The following KCNIP4 variants were observed in gnomAD, a reference collection of about 807,000 sequenced individuals.
KCNIP4 encodes the protein potassium voltage-gated channel interacting protein 4, also known as Kv channel-interacting protein 4.
A neutral mutation model predicts 34.0 loss-of-function variants in KCNIP4; 12 were observed. That is an observed-to-expected ratio of 0.35 (90% CI 0.23 to 0.57). The LOEUF (loss-of-function observed/expected upper bound fraction) is 0.57. Among genes scored for constraint, KCNIP4 ranks in the 20% least tolerant of loss-of-function variants. The pLI is 0.83. For synonymous variants in KCNIP4, 124 were observed against 102.2 expected (o/e 1.21, Z -1.29); for missense variants, 238 against 311.7 (o/e 0.76, Z 1.78).
At chr4:21,090,825 G>A (rs545999081) in intron 1 of KCNIP4, among the ~76,000 whole-genome samples, 271 of 152,108 alleles carry the variant, frequency 1.8e-3, no homozygotes, top group African/African-American at 6.0e-3. Context: ...CTCTTCACAC[G>A]TTTGTGAAAA....
At chr4:20,951,606 T>C (rs1045939908) in intron 1 of KCNIP4, among the ~76,000 whole-genome samples, 1 of 152,202 alleles carries the variant, frequency 6.6e-6, no homozygotes, top group South Asian at 2.1e-4. Context: ...CTCATATATC[T>C]TTTTTGAATA....
intron 1 of KCNIP4, among the ~76,000 whole-genome samples, chr4:21,713,954 A>T (rs557127048): frequency 6.6e-6 from 1 of 152,208 alleles, no homozygotes; most frequent in Admixed American, 6.5e-5. Flanking sequence ...ATATGTATGC[A>T]TTTTCTGACA....
At chr4:21,639,891 C>T (rs191190846) in intron 1 of KCNIP4, among the ~76,000 whole-genome samples, 6 of 152,252 alleles carry the variant, frequency 3.9e-5, no homozygotes, top group Admixed American at 6.5e-5. Context: ...TCCATCAGCC[C>T]TACTCTGACT....
chr4:20,812,690 T>A (rs1174729922), intron 3 of KCNIP4, among the ~76,000 whole-genome samples: 1 of 151,988 alleles, frequency 6.6e-6, no homozygotes, highest in Admixed American at 6.6e-5. Flanking sequence ...TTAAGGAGAT[T>A]TCTTCTGAGG....
At chr4:21,537,518 CAA>C (rs1275265536) in intron 1 of KCNIP4, among the ~76,000 whole-genome samples, 7 of 152,010 alleles carry the variant, frequency 4.6e-5, no homozygotes, top group African/African-American at 9.7e-5. Flanking sequence ...AAAACAAAAA[CAA>C]AGAAAAAATA....
intron 1 of KCNIP4, among the ~76,000 whole-genome samples, chr4:21,158,974 A>G (rs539399912): frequency 1.3e-5 from 2 of 152,302 alleles, no homozygotes; most frequent in South Asian, 4.1e-4. Context: ...GAAATTAAAT[A>G]TTATTTATAA....
intron 1 of KCNIP4, among the ~76,000 whole-genome samples, chr4:21,540,956 A>G (rs1737633896): frequency 6.6e-6 from 1 of 152,036 alleles, no homozygotes. Context: ...GGATCACCTG[A>G]GGTCAGGGGT....
At chr4:20,999,431 G>GT (rs1560634221) in intron 1 of KCNIP4, among the ~76,000 whole-genome samples, 14 of 31,770 alleles carry the variant, frequency 4.4e-4, no homozygotes, top group Admixed American at 7.1e-4. Flanking sequence ...TTTTTTGTTT[G>GT]TTTTTTGTTT....
chr4:21,710,052 A>G (rs1415884683), intron 1 of KCNIP4, among the ~76,000 whole-genome samples: 1 of 152,228 alleles, frequency 6.6e-6, no homozygotes, highest in East Asian at 1.9e-4. Flanking sequence ...GCAATAGAAC[A>G]GCAACAAGAC....
At chr4:21,641,220 C>T (rs992760059) in intron 1 of KCNIP4, among the ~76,000 whole-genome samples, 147 of 152,350 alleles carry the variant, frequency 9.6e-4, no homozygotes, top group Non-Finnish European at 2.9e-4. Context: ...ATGGTCCCCA[C>T]TATGCTATAT....
intron 1 of KCNIP4, among the ~76,000 whole-genome samples, chr4:20,993,191 C>T (rs1737243502): frequency 6.6e-6 from 1 of 152,004 alleles, no homozygotes; most frequent in African/African-American, 2.4e-5. Context: ...GTTTTTGGAC[C>T]ATTAGTCCAG....
At chr4:21,862,298 C>A (rs187875998) in intron 1 of KCNIP4, among the ~76,000 whole-genome samples, 21 of 152,272 alleles carry the variant, frequency 1.4e-4, no homozygotes, top group African/African-American at 4.6e-4. Flanking sequence ...ACAGGCAGGA[C>A]CTCATCAATT....
At chr4:21,250,087 C>G (rs931395330) in intron 1 of KCNIP4, among the ~76,000 whole-genome samples, 1 of 150,290 alleles carries the variant, frequency 6.7e-6, no homozygotes, top group Non-Finnish European at 1.5e-5. Flanking sequence ...GAGTGGTAAA[C>G]TGTTCAGAAA....
At chr4:21,512,251 C>T (rs555754737) in intron 1 of KCNIP4, among the ~76,000 whole-genome samples, 1 of 152,196 alleles carries the variant, frequency 6.6e-6, no homozygotes, top group African/African-American at 2.4e-5. Context: ...ATTGAAAGCT[C>T]ATATTTATTT....
intron 1 of KCNIP4, among the ~76,000 whole-genome samples, chr4:21,335,019 C>G (rs1468797391): frequency 6.6e-6 from 1 of 151,962 alleles, no homozygotes; most frequent in Non-Finnish European, 1.5e-5. Context: ...CAGTACATTC[C>G]CAGGAGCTCT....
chr4:21,128,698 T>G (rs1406785121), intron 1 of KCNIP4, among the ~76,000 whole-genome samples: 1 of 152,226 alleles, frequency 6.6e-6, no homozygotes, highest in East Asian at 1.9e-4. Context: ...AGATTCTCAT[T>G]TGCAACATGT....
chr4:21,031,729 A>G (rs192454679), intron 1 of KCNIP4, among the ~76,000 whole-genome samples: 3 of 152,346 alleles, frequency 2.0e-5, no homozygotes, highest in African/African-American at 7.2e-5. Flanking sequence ...AATGAATTTT[A>G]GGATCCATTG....
intron 1 of KCNIP4, among the ~76,000 whole-genome samples, chr4:21,134,760 A>G (rs570600014): frequency 6.6e-6 from 1 of 152,244 alleles, no homozygotes; most frequent in Non-Finnish European, 1.5e-5. Context: ...CCACTATTCT[A>G]TCAATATAAT....
chr4:21,732,126 T>A (rs1257475261), intron 1 of KCNIP4, among the ~76,000 whole-genome samples: 2 of 151,890 alleles, frequency 1.3e-5, no homozygotes, highest in Non-Finnish European at 1.5e-5. Context: ...GTTTATAAAT[T>A]TTTAAAATAT....
Sources: gnomAD v4.1 joint callset for allele counts (sites outside exome capture counted in the v4.1 genomes callset) on GRCh38, gnomAD v4.1.1 for gene constraint, MANE v1.5 for transcripts, NCBI Gene and HGNC (gene_info 2026-07-23, HGNC 2026-07-21) for gene names.